PACRG: variants seen among roughly 807,000 people sequenced by gnomAD.
PACRG encodes the protein parkin coregulated gene protein.
Under a neutral mutation model 29.7 loss-of-function variants are expected in PACRG, and 29 were observed. That is an observed-to-expected ratio of 0.98 (90% CI 0.73 to 1.33). PACRG has a LOEUF of 1.33. Among genes scored for constraint, PACRG ranks in the 40% most tolerant of loss-of-function variants. The pLI is 0.00. For synonymous variants in PACRG, 116 were observed against 118.7 expected (o/e 0.98, Z 0.15); for missense variants, 279 against 316.2 (o/e 0.88, Z 0.89).
chr6:163,207,835 A>T (rs1337133385), intron 4 of PACRG, among the ~76,000 whole-genome samples: 1 of 152,232 alleles, frequency 6.6e-6, no homozygotes, highest in Non-Finnish European at 1.5e-5. Flanking sequence ...TATTTTTGCA[A>T]TAAAAATATG....
chr6:163,135,200 T>C (rs1816883575), intron 4 of PACRG, among the ~76,000 whole-genome samples: 1 of 144,560 alleles, frequency 6.9e-6, no homozygotes, highest in African/African-American at 2.7e-5. Context: ...TTTTTTTTTT[T>C]TAATTTTAGA....
chr6:163,171,800 C>G (rs1239738713), intron 4 of PACRG, among the ~76,000 whole-genome samples: 2 of 152,098 alleles, frequency 1.3e-5, no homozygotes, highest in African/African-American at 4.8e-5. Context: ...GCCCATGGGT[C>G]GGGACCCTGG....
intron 1 of PACRG, among the ~76,000 whole-genome samples, chr6:162,754,431 A>G (rs1781740774): frequency 6.6e-6 from 1 of 152,020 alleles, no homozygotes; most frequent in African/African-American, 2.4e-5. Flanking sequence ...TCGGTTTGTT[A>G]TTGTTTCCTT....
At chr6:162,816,411 G>A (rs909779224) in intron 2 of PACRG, among the ~76,000 whole-genome samples, 1 of 152,148 alleles carries the variant, frequency 6.6e-6, no homozygotes, top group African/African-American at 2.4e-5. Context: ...AGAGCGCAGT[G>A]ACACGATCTT....
chr6:163,153,223 T>C (rs1778172027), intron 4 of PACRG, among the ~76,000 whole-genome samples: 1 of 152,234 alleles, frequency 6.6e-6, no homozygotes, highest in African/African-American at 2.4e-5. Context: ...TTAGTCTTTA[T>C]GACTAACACA....
In PACRG at chr6:162,799,216, A is replaced by G. The variant is rs528154724; in HGVS notation, c.157-14931A>G. Among the ~76,000 whole-genome samples, 12 of 152,352 alleles carry G rather than the reference A, an allele frequency of 7.9e-5. No individual in the cohort carries two copies. The East Asian group carries it at 2.3e-3, about 29-fold the overall frequency. ...GGCTCAGGGAAAAAAATGCATATTT[A>G]CTAAAAAATAATAAAATGTAAATGA... On this transcript the variant is annotated intron_variant, in intron 1 of 4. Transcript: ENST00000366888.
chr6:163,124,039 A>T (rs1308858240), intron 4 of PACRG, among the ~76,000 whole-genome samples: 1 of 152,128 alleles, frequency 6.6e-6, no homozygotes. Context: ...ATTCTATTTT[A>T]ATTTTTTGAG....
intron 3 of PACRG, among the ~76,000 whole-genome samples, chr6:163,080,120 G>C (rs1357510221): frequency 6.6e-6 from 1 of 151,752 alleles, no homozygotes; most frequent in African/African-American, 2.4e-5. Flanking sequence ...GGATGGTCTC[G>C]ATCTGGTGAC....
chr6:162,846,752 G>A (rs548449370), intron 2 of PACRG, among the ~76,000 whole-genome samples: 2 of 152,256 alleles, frequency 1.3e-5, no homozygotes, highest in East Asian at 3.9e-4. Context: ...CTTTTGGGTG[G>A]TGTGAAATAA....
chr6:163,284,205 G>A (rs1312323374), intron 4 of PACRG, among the ~76,000 whole-genome samples: 4 of 152,192 alleles, frequency 2.6e-5, no homozygotes, highest in Non-Finnish European at 5.9e-5. Context: ...TAAAACTGTA[G>A]GTTTTCTGGA....
intron 2 of PACRG, among the ~76,000 whole-genome samples, chr6:163,050,277 T>C (rs970747402): frequency 2.6e-5 from 4 of 152,168 alleles, no homozygotes; most frequent in Admixed American, 6.5e-5. Flanking sequence ...TCTTAAACTT[T>C]AATATGCTTA....
rs377352285 is a variant in PACRG, at chr6:162,747,474, C to CTATA, written c.156+19099_156+19102dup. 2.5e-3 allele frequency among the ~76,000 whole-genome samples: 112 copies of CTATA among 44,774 alleles called. 18 individuals carry two copies. The highest frequency in any genetic ancestry group is 0.015 in the East Asian group (14 of 928). 29.4% of individuals were successfully genotyped at this position (44,774 alleles called of 152,430 possible). ...TATAACTATAAATATATATGTAAAA[C>CTATA]TATATATATATATATATATTCCATT... is the stretch of plus-strand genomic sequence containing the variant. On this transcript the variant is annotated intron_variant, in intron 1 of 4. Transcript: ENST00000366888.
chr6:162,889,837 C>T (rs1186799210), intron 2 of PACRG, among the ~76,000 whole-genome samples: 1 of 152,172 alleles, frequency 6.6e-6, no homozygotes, highest in Non-Finnish European at 1.5e-5. Flanking sequence ...TGGAAGCTAC[C>T]TTATTTTGAG....
chr6:162,976,897 T>C (rs541431469), intron 2 of PACRG, among the ~76,000 whole-genome samples: 1 of 152,132 alleles, frequency 6.6e-6, no homozygotes, highest in African/African-American at 2.4e-5. Context: ...GGTGCATGAA[T>C]ATAAAAAAAT....
chr6:162,727,310 G>A (rs1249074873), upstream of PACRG: 3 of 369,950 alleles, frequency 8.1e-6, no homozygotes, highest in Admixed American at 4.9e-5. Context: ...GCGGCGGCGG[G>A]GCGAAGGTGA....
intron 4 of PACRG, among the ~76,000 whole-genome samples, chr6:163,092,321 A>AGGCCT (rs1462682623): frequency 6.6e-6 from 1 of 152,004 alleles, no homozygotes; most frequent in African/African-American, 2.4e-5. Flanking sequence ...TGAGGAGCCC[A>AGGCCT]GGCTTCCAGT....
intron 1 of PACRG, among the ~76,000 whole-genome samples, chr6:162,805,106 ATC>A (rs1786207750): frequency 6.6e-6 from 1 of 152,148 alleles, no homozygotes; most frequent in African/African-American, 2.4e-5. Context: ...TGGTGTTATA[ATC>A]TTCTGGGACT....
At position 162,814,833 on chromosome 6, in the gene PACRG, C is replaced by T. The variant is rs374075830; in HGVS notation, c.291+552C>T. Among the ~76,000 whole-genome samples, 18 of 152,282 alleles carry T rather than the reference C, an allele frequency of 1.2e-4. 1 individual carries two copies. Among genetic ancestry groups the T allele is most frequent in the East Asian group, 9.6e-4 (5 of 5,186 alleles). ...TGCCCTGTTAGAGGCTGACCTCCAC[C>T]GCCAAAGCCATTACAGCACGGACAT... On this transcript the variant is annotated intron_variant, in intron 2 of 4. Transcript: ENST00000366888.
At chr6:163,238,432 A>C (rs1480816189) in intron 4 of PACRG, among the ~76,000 whole-genome samples, 2 of 152,232 alleles carry the variant, frequency 1.3e-5, no homozygotes, top group Non-Finnish European at 2.9e-5. Flanking sequence ...AACTTATAAC[A>C]GTATCATACT....
Sources: gnomAD v4.1 joint callset for allele counts (sites outside exome capture counted in the v4.1 genomes callset) on GRCh38, gnomAD v4.1.1 for gene constraint, MANE v1.5 for transcripts, NCBI Gene and HGNC (gene_info 2026-07-23, HGNC 2026-07-21) for gene names.